The following CHD2 variants were observed in gnomAD, a reference collection of about 807,000 sequenced individuals.
CHD2 encodes chromodomain helicase DNA binding protein 2, also known as ATP-dependent chromatin remodeler CHD2.
Under a neutral mutation model 243.9 loss-of-function variants are expected in CHD2, and 28 were observed. That is an observed-to-expected ratio of 0.11 (90% CI 0.09 to 0.16). The LOEUF is 0.16. Ranked by LOEUF, CHD2 falls within the 10% of genes least tolerant of loss-of-function variation. The pLI, the probability that CHD2 is intolerant of heterozygous loss-of-function variation, is 1.00. For synonymous variants in CHD2, 775 were observed against 779.0 expected, an observed-to-expected ratio of 0.99 and a Z score of 0.09; for missense variants, 1,386 against 2,209.8, an observed-to-expected ratio of 0.63 and a Z score of 7.47.
At chr15:92,952,368 C>G (rs533484976) in intron 13 of CHD2, among the ~76,000 whole-genome samples, 4 of 152,030 alleles carry the variant, frequency 2.6e-5, no homozygotes, top group Non-Finnish European at 5.9e-5. Flanking sequence ...AAGCACATTA[C>G]ATTTATTGTG....
At chr15:92,929,115 A>G (rs771642185) in intron 5 of CHD2, 24 bp downstream of exon 5, 1 of 1,586,516 alleles carries the variant, frequency 6.3e-7, no homozygotes, top group African/African-American at 1.3e-5. Context: ...GGGGGAAATT[A>G]TTCAATCTAG....
intron 16 of CHD2, among the ~76,000 whole-genome samples, chr15:92,957,136 A>G (rs1051158164): frequency 3.3e-5 from 5 of 152,224 alleles, no homozygotes; most frequent in Non-Finnish European, 5.9e-5. Context: ...AAAATTATCC[A>G]ATGGTATTCA....
At chr15:92,971,409 A>C (rs1459466177) in intron 17 of CHD2, among the ~76,000 whole-genome samples, 1 of 152,210 alleles carries the variant, frequency 6.6e-6, no homozygotes, top group Non-Finnish European at 1.5e-5. Flanking sequence ...TTAAATATGT[A>C]TAAAGTACAT....
At chr15:93,000,748 A>G in intron 32 of CHD2, 108 bp downstream of exon 32, 1 of 1,217,126 alleles carries the variant, frequency 8.2e-7, no homozygotes, top group Non-Finnish European at 1.1e-6. Context: ...AGTGGATTAA[A>G]TGGAAATAGA....
chr15:92,998,759 C>T lies in CHD2; in HGVS notation c.4008+138C>T, dbSNP rs2054214780. 3 of 1,117,982 alleles carry T rather than the reference C, an allele frequency of 2.7e-6. No individual in the cohort carries two copies. Among genetic ancestry groups the T allele is most frequent in the Admixed American group, 4.9e-5 (2 of 40,926 alleles). 69.3% of individuals were successfully genotyped at this position (1,117,982 alleles called of 1,614,324 possible). A position where few individuals can be genotyped will look rare whatever the true frequency, so the allele number is the denominator to read the frequency against. On this transcript the variant is annotated intron_variant, in intron 31 of 38. Transcript: ENST00000394196. This position sits in a 1 kb window ranked among gnomAD's most constrained non-coding sequence, Gnocchi z 5.1. ...TGGGCATATTTTGTTTTTGAGGTTC[C>T]AGTAATGATGCTTTGCTTGGTAATA...
Position 92,953,341 on chromosome 15 carries a change from T to C in CHD2, c.1503-16T>C. 1.2e-6 allele frequency: 2 copies of C among 1,608,544 alleles called. No individual in the cohort carries two copies. Among genetic ancestry groups the C allele is most frequent in the Non-Finnish European group, 1.7e-6 (2 of 1,176,480 alleles). On this transcript the variant is annotated splice_polypyrimidine_tract_variant and intron_variant, in intron 13 of 38. Transcript: ENST00000394196. ...CTAATGATTTTTTTGTTTTTATTTA[T>C]TTTTTCTTTCTGCAGAAATAATAGT...
chr15:92,969,974 T>C (rs1218652771), intron 17 of CHD2, among the ~76,000 whole-genome samples: 1 of 152,106 alleles, frequency 6.6e-6, no homozygotes, highest in Non-Finnish European at 1.5e-5. Context: ...GGAAAAGAGT[T>C]TTAAAGTACT....
In CHD2 at chr15:93,000,648, G is replaced by C; in HGVS notation, c.4137+8G>C. 1.2e-6 allele frequency: 2 copies of C among 1,607,808 alleles called. No individual in the cohort carries two copies. The highest frequency in any genetic ancestry group is 2.2e-5 in the South Asian group (2 of 90,292). Reference sequence around the variant, plus strand: ...GAAGAGGGAGAAGTGAAAGTATGAAGTGGGGTTTCGGTTGAGGGTTATTTA... The same window carrying C: ...GAAGAGGGAGAAGTGAAAGTATGAACTGGGGTTTCGGTTGAGGGTTATTTA... On this transcript the variant is annotated splice_region_variant and intron_variant, in intron 32 of 38. Coordinates refer to ENST00000394196, the MANE Select transcript of CHD2 (RefSeq NM_001271.4).
rs1694614171 is a variant in CHD2 at position 93,026,953 on chromosome 15, G to C, written c.*2248G>C. 1 of 152,634 alleles carries C rather than the reference G, an allele frequency of 6.6e-6. No individual in the cohort carries two copies. Among genetic ancestry groups the C allele is most frequent in the Admixed American group, 6.5e-5 (1 of 15,284 alleles). The allele number at this position is 152,634 out of a possible 1,614,324, so 9.5% of individuals were successfully genotyped here. A position where few individuals can be genotyped will look rare whatever the true frequency, so the allele number is the denominator to read the frequency against. On this transcript the variant is annotated 3_prime_UTR_variant, in exon 39 of 39. Coordinates refer to ENST00000394196, the MANE Select transcript of CHD2 (RefSeq NM_001271.4). ...CTCTTGAGTTGCTGATAGGAGATGT[G>C]AGTTATGCCCAGAGATGTCTTATCG...
intron 2 of CHD2, chr15:92,902,305 G>A (rs1321878128): frequency 2.5e-6 from 1 of 396,388 alleles, no homozygotes; most frequent in African/African-American, 2.1e-5. Context: ...TTTGTTGTAT[G>A]ACCTCTGTAT....
intron 2 of CHD2, chr15:92,901,876 T>G (rs997061649): frequency 1.0e-5 from 3 of 296,286 alleles, no homozygotes; most frequent in African/African-American, 2.2e-5. Context: ...ATATTTCTTT[T>G]GATACACTTG....
Position 92,992,841 on chromosome 15 carries a change from A to G in CHD2, c.3456-18A>G. On this transcript the variant is annotated intron_variant, in intron 27 of 38. Transcript: ENST00000394196. ...GGGCACAGGGTCCTAAAGTGTCCCC[A>G]TATTTGTTCCTCCTCAGGCTGGAGT... 1 of 1,611,260 alleles carries G rather than the reference A, an allele frequency of 6.2e-7. No homozygotes were observed. Among genetic ancestry groups the G allele is most frequent in the Non-Finnish European group, 8.5e-7 (1 of 1,179,924 alleles).
chr15:92,904,682 ATT>A, intron 2 of CHD2: 2 of 1,343,108 alleles, frequency 1.5e-6, no homozygotes, highest in Non-Finnish European at 1.9e-6. Context: ...TGCAGGCACT[ATT>A]TATAAATTTT....
At chr15:92,900,972 T>C (rs1319567226) in intron 1 of CHD2, 148 bp downstream of exon 1, 1 of 467,700 alleles carries the variant, frequency 2.1e-6, no homozygotes, top group African/African-American at 2.1e-5. Flanking sequence ...AAAGTTTCCT[T>C]ATTGATAGTG....
chr15:92,904,400 C>CG (rs1447152761), intron 2 of CHD2: 65 of 971,090 alleles, frequency 6.7e-5, no homozygotes, highest in Middle Eastern at 3.1e-4. Context: ...GACGGCTCCC[C>CG]TGGGGGGCGG....
intron 2 of CHD2, chr15:92,904,438 G>C: frequency 1.0e-6 from 1 of 988,268 alleles, no homozygotes; most frequent in Non-Finnish European, 1.2e-6. Context: ...GTCTGGCCGC[G>C]TGCGCATGTC....
intron 3 of CHD2, among the ~76,000 whole-genome samples, chr15:92,927,019 T>C (rs917015248): frequency 1.3e-5 from 2 of 152,166 alleles, no homozygotes; most frequent in East Asian, 3.8e-4. Flanking sequence ...CGGTGTACCA[T>C]ATAGATTTAT....
At chr15:92,915,917 C>T (rs1399914103) in intron 2 of CHD2, among the ~76,000 whole-genome samples, 1 of 152,178 alleles carries the variant, frequency 6.6e-6, no homozygotes, top group Non-Finnish European at 1.5e-5. Flanking sequence ...TCAAAGCCAT[C>T]CCCTCTGTTC....
intron 13 of CHD2, among the ~76,000 whole-genome samples, chr15:92,951,912 T>C (rs1043281354): frequency 7.2e-5 from 11 of 152,214 alleles, no homozygotes; most frequent in Non-Finnish European, 1.5e-5. Context: ...AATTATGTCT[T>C]TTTGGTGAAT....
Sources: allele counts gnomAD v4.1 joint callset (sites outside exome capture counted in the v4.1 genomes callset), GRCh38; gene constraint gnomAD v4.1.1; non-coding constraint Gnocchi (gnomAD v3.1); transcripts MANE v1.5; gene names NCBI Gene and HGNC (gene_info 2026-07-23, HGNC 2026-07-21).